The following LITAF variants were observed in gnomAD, a reference collection of about 807,000 sequenced individuals.
LITAF encodes lipopolysaccharide-induced tumor necrosis factor-alpha factor.
LITAF carries 9 observed loss-of-function variants against 14.5 expected under a neutral mutation model. The observed-to-expected ratio is 0.62, with a 90% CI of 0.37 to 1.08. The LOEUF is 1.08. LITAF is among the 50% of genes least tolerant of loss of function. LITAF has a pLI of 0.01. For synonymous variants in LITAF, 98 were observed against 88.2 expected, an observed-to-expected ratio of 1.11 and a Z score of -0.62; for missense variants, 206 against 213.4, an observed-to-expected ratio of 0.97 and a Z score of 0.22.
chr16:11,631,568 T>C (rs1470442225), intron 3 of LITAF, among the ~76,000 whole-genome samples: 1 of 152,186 alleles, frequency 6.6e-6, no homozygotes, highest in African/African-American at 2.4e-5. Flanking sequence ...TTTCATATTT[T>C]TGGTAGAGAC....
At chr16:11,610,243 T>C (rs1232705969) in intron 3 of LITAF, among the ~76,000 whole-genome samples, 1 of 152,234 alleles carries the variant, frequency 6.6e-6, no homozygotes, top group Non-Finnish European at 1.5e-5. Context: ...AGGGGATCTC[T>C]ATCGGCAATC....
intron 3 of LITAF, among the ~76,000 whole-genome samples, chr16:11,609,466 G>A (rs1030974164): frequency 1.3e-5 from 2 of 152,140 alleles, no homozygotes; most frequent in East Asian, 1.9e-4. Flanking sequence ...CACCCGTCTC[G>A]GCCTCCCAAA....
chr16:11,569,147 C>T (rs2064503460), intron 1 of LITAF, among the ~76,000 whole-genome samples: 1 of 152,154 alleles, frequency 6.6e-6, no homozygotes, highest in Admixed American at 6.5e-5. Flanking sequence ...GCGGGGGCTT[C>T]CGAGCAGAAT....
At chr16:11,617,671 C>A (rs565239155) in intron 3 of LITAF, among the ~76,000 whole-genome samples, 2 of 151,832 alleles carry the variant, frequency 1.3e-5, no homozygotes. Context: ...GTCATCCGCC[C>A]GCCTCGGCCT....
chr16:11,550,388 C>A (rs1285959844), intron 3 of LITAF, among the ~76,000 whole-genome samples: 1 of 152,044 alleles, frequency 6.6e-6, no homozygotes, highest in Non-Finnish European at 1.5e-5. Flanking sequence ...CCACACCCGG[C>A]CCCTGCTGAC....
intron 3 of LITAF, among the ~76,000 whole-genome samples, chr16:11,628,143 T>C (rs1417366093): frequency 6.6e-6 from 1 of 152,132 alleles, no homozygotes; most frequent in Non-Finnish European, 1.5e-5. Context: ...TCCCATTCTG[T>C]GGTAATGAAT....
chr16:11,638,658 G>A (rs563974363), upstream of LITAF, among the ~76,000 whole-genome samples: 6 of 129,428 alleles, frequency 4.6e-5, no homozygotes, highest in African/African-American at 1.1e-4. Context: ...CTGAGATCAC[G>A]CCTCTGCACT....
At chr16:11,583,055 C>A (rs966413746) in intron 1 of LITAF, among the ~76,000 whole-genome samples, 9 of 152,160 alleles carry the variant, frequency 5.9e-5, no homozygotes, top group African/African-American at 2.2e-4. Flanking sequence ...ACCCGGACCT[C>A]CAGCTCTTTG....
chr16:11,595,458 G>A (rs996038841), intron 1 of LITAF, among the ~76,000 whole-genome samples: 80 of 152,290 alleles, frequency 5.3e-4, no homozygotes, highest in Non-Finnish European at 1.8e-4. Flanking sequence ...GGCTGGACAC[G>A]GTGGCTCAAG....
chr16:11,574,076 G>A (rs1045142763), intron 1 of LITAF, among the ~76,000 whole-genome samples: 6 of 147,842 alleles, frequency 4.1e-5, no homozygotes, highest in Admixed American at 6.7e-5. Context: ...GGTTCTCACT[G>A]GGTTGCCCAG....
intron 3 of LITAF, among the ~76,000 whole-genome samples, chr16:11,616,682 C>T (rs1597372599): frequency 6.6e-6 from 1 of 151,930 alleles, no homozygotes; most frequent in Non-Finnish European, 1.5e-5. Context: ...AAATCCCTTA[C>T]AGTCAGATGA....
intron 3 of LITAF, among the ~76,000 whole-genome samples, chr16:11,608,016 G>C (rs1004329549): frequency 3.3e-5 from 5 of 152,274 alleles, no homozygotes; most frequent in Non-Finnish European, 4.4e-5. Flanking sequence ...ACCCCCTCAG[G>C]CATGAAGCTG....
chr16:11,565,923 A>T (rs2064445138), intron 1 of LITAF, among the ~76,000 whole-genome samples: 6 of 151,352 alleles, frequency 4.0e-5, no homozygotes. Context: ...AAGGGCACAG[A>T]CTCTGGAGCT....
intron 1 of LITAF, among the ~76,000 whole-genome samples, chr16:11,574,197 A>G (rs2064593399): frequency 1.3e-5 from 2 of 151,918 alleles, no homozygotes; most frequent in African/African-American, 4.8e-5. Flanking sequence ...GTGCACCACC[A>G]CACCTAGCTA....
chr16:11,638,014 C>CTATATATA (rs1157225076), upstream of LITAF, among the ~76,000 whole-genome samples: 2 of 71,906 alleles, frequency 2.8e-5, no homozygotes, highest in Non-Finnish European at 4.8e-5. Context: ...CTATATATAT[C>CTATATATA]TATATATATC....
At chr16:11,590,654 G>A (rs2064841550), upstream of LITAF, among the ~76,000 whole-genome samples, 1 of 118,308 alleles carries the variant, frequency 8.5e-6, no homozygotes, top group Admixed American at 8.2e-5. Context: ...TAGCCACGTT[G>A]ATGTGTAAAA....
intron 3 of LITAF, among the ~76,000 whole-genome samples, chr16:11,618,322 CT>C (rs1179788996): frequency 6.6e-6 from 1 of 152,192 alleles, no homozygotes; most frequent in Non-Finnish European, 1.5e-5. Flanking sequence ...GGTGCCTCCC[CT>C]GGCAAGGCGG....
intron 3 of LITAF, among the ~76,000 whole-genome samples, chr16:11,609,480 C>A (rs2064971204): frequency 6.6e-6 from 1 of 152,158 alleles, no homozygotes; most frequent in Non-Finnish European, 1.5e-5. Context: ...TCCCAAAGCG[C>A]TGGAATTACA....
upstream of LITAF, among the ~76,000 whole-genome samples, chr16:11,590,802 G>A (rs1388729749): frequency 3.4e-5 from 4 of 116,708 alleles, no homozygotes; most frequent in Non-Finnish European, 5.1e-5. Flanking sequence ...GTACGATCTC[G>A]GCTCACCGCA....
Sources: gnomAD v4.1 joint callset for allele counts (sites outside exome capture counted in the v4.1 genomes callset) on GRCh38, gnomAD v4.1.1 for gene constraint, MANE v1.5 for transcripts, NCBI Gene and HGNC (gene_info 2026-07-23, HGNC 2026-07-21) for gene names.